SATB2: variants seen among roughly 807,000 people sequenced by gnomAD.
SATB2 encodes DNA-binding protein SATB2.
Under a neutral mutation model 73.4 loss-of-function variants are expected in SATB2, and 1 was observed. The observed-to-expected ratio is 0.01, with a 90% confidence interval of 0.00 to 0.06. The LOEUF is 0.06. SATB2 is among the 10% of genes least tolerant of loss of function. The pLI is 1.00. For synonymous variants in SATB2, 397 were observed against 367.0 expected (o/e 1.08, Z -0.93); for missense variants, 459 against 945.8 (o/e 0.49, Z 6.75).
chr2:199,322,942 A>C (rs544779296), intron 9 of SATB2, among the ~76,000 whole-genome samples: 2 of 152,260 alleles, frequency 1.3e-5, no homozygotes, highest in South Asian at 2.1e-4. Context: ...AATCAAGCTC[A>C]GAATCAAAGG....
At chr2:199,283,110 A>C (rs1049218030) in intron 10 of SATB2, among the ~76,000 whole-genome samples, 48 of 150,426 alleles carry the variant, frequency 3.2e-4, no homozygotes, top group Non-Finnish European at 3.3e-4. Context: ...TTGAGATGGA[A>C]TCTCACTCTG....
intron 3 of SATB2, among the ~76,000 whole-genome samples, chr2:199,406,379 AT>A (rs1690628848): frequency 6.6e-6 from 1 of 152,202 alleles, no homozygotes; most frequent in Admixed American, 6.5e-5. Flanking sequence ...AATCTATTAA[AT>A]TCCAAGCCCT....
At chr2:199,377,239 C>A (rs188352981) in intron 5 of SATB2, among the ~76,000 whole-genome samples, 2 of 152,082 alleles carry the variant, frequency 1.3e-5, no homozygotes, top group Admixed American at 1.3e-4. Context: ...AATACCCAGG[C>A]GTGGTGGCAC....
chr2:199,348,613 G>T, intron 7 of SATB2, 88 bp downstream of exon 7: 1 of 1,043,254 alleles, frequency 9.6e-7, no homozygotes, highest in Non-Finnish European at 1.5e-6. Flanking sequence ...GATCCATAAA[G>T]CTTTTTAAAG....
At chr2:199,431,766 T>C in intron 3 of SATB2, among the ~76,000 whole-genome samples, 1 of 152,176 alleles carries the variant, frequency 6.6e-6, no homozygotes, top group East Asian at 1.9e-4. Flanking sequence ...GTGCTCTGTG[T>C]TCCACATGTG....
At chr2:199,319,287 G>C (rs1687820447) in intron 9 of SATB2, among the ~76,000 whole-genome samples, 1 of 152,170 alleles carries the variant, frequency 6.6e-6, no homozygotes, top group African/African-American at 2.4e-5. Context: ...CAGTGGGCCT[G>C]CAAGGGCATA....
chr2:199,327,789 T>G (rs890396593), intron 8 of SATB2, among the ~76,000 whole-genome samples: 3 of 152,180 alleles, frequency 2.0e-5, no homozygotes, highest in Admixed American at 2.0e-4. Flanking sequence ...CATCCTAGGA[T>G]GGAAAATAAT....
chr2:199,467,782 C>G (rs917049089), upstream of SATB2, among the ~76,000 whole-genome samples: 8 of 152,194 alleles, frequency 5.3e-5, no homozygotes, highest in African/African-American at 1.7e-4. Context: ...CCACGTTGGC[C>G]TAGGACACAG....
At chr2:199,303,279 T>C (rs190653091) in intron 10 of SATB2, among the ~76,000 whole-genome samples, 60 of 152,206 alleles carry the variant, frequency 3.9e-4, no homozygotes, top group Middle Eastern at 6.8e-3. Context: ...TTGTTCACAA[T>C]AACTGAAGAA....
chr2:199,303,372 A>G, intron 10 of SATB2, among the ~76,000 whole-genome samples: 1 of 152,166 alleles, frequency 6.6e-6, no homozygotes, highest in East Asian at 1.9e-4. Flanking sequence ...GAAAAGGAGG[A>G]GGCAGGGGCG....
intron 7 of SATB2, among the ~76,000 whole-genome samples, chr2:199,341,997 C>G (rs1279227185): frequency 6.6e-6 from 1 of 152,184 alleles, no homozygotes. Flanking sequence ...GTCGCTACTA[C>G]AGGAGGCTGG....
At chr2:199,290,503 G>A (rs1364774482) in intron 10 of SATB2, among the ~76,000 whole-genome samples, 1 of 152,052 alleles carries the variant, frequency 6.6e-6, no homozygotes, top group Non-Finnish European at 1.5e-5. Flanking sequence ...AGTCCTAAGG[G>A]GAAATAAAGT....
intron 9 of SATB2, among the ~76,000 whole-genome samples, chr2:199,311,977 T>C (rs763769040): frequency 5.9e-5 from 9 of 151,948 alleles, no homozygotes; most frequent in Non-Finnish European, 1.0e-4. Flanking sequence ...AGGGTCCCCA[T>C]ATTGGGATTT....
At chr2:199,430,388 G>A (rs1691466975) in intron 3 of SATB2, among the ~76,000 whole-genome samples, 1 of 152,162 alleles carries the variant, frequency 6.6e-6, no homozygotes. Context: ...CAGCTATTCT[G>A]GTAGAAGCAA....
At chr2:199,431,993 A>C (rs1034806412) in intron 3 of SATB2, among the ~76,000 whole-genome samples, 54 of 152,220 alleles carry the variant, frequency 3.5e-4, no homozygotes, top group African/African-American at 1.3e-3. Flanking sequence ...GGTGCCCAGT[A>C]TGCAATTTGC....
intron 6 of SATB2, among the ~76,000 whole-genome samples, chr2:199,359,624 AT>A (rs1689081445): frequency 1.3e-5 from 2 of 152,188 alleles, no homozygotes; most frequent in African/African-American, 2.4e-5. Flanking sequence ...ATTCAATTAT[AT>A]TAATATTTAC....
intron 10 of SATB2, among the ~76,000 whole-genome samples, chr2:199,287,690 A>T (rs1036326048): frequency 2.0e-5 from 3 of 152,164 alleles, no homozygotes; most frequent in African/African-American, 7.2e-5. Flanking sequence ...CACATAGATT[A>T]TTTAATATGA....
chr2:199,343,267 A>G (rs1432566270), intron 7 of SATB2, among the ~76,000 whole-genome samples: 1 of 152,174 alleles, frequency 6.6e-6, no homozygotes, highest in Non-Finnish European at 1.5e-5. Context: ...CACAAAATAT[A>G]AGGTGACAAA....
At chr2:199,322,288 C>A (rs1353722864) in intron 9 of SATB2, among the ~76,000 whole-genome samples, 1 of 152,204 alleles carries the variant, frequency 6.6e-6, no homozygotes, top group Non-Finnish European at 1.5e-5. Context: ...ATACTCACTG[C>A]ACATTTACCA....
Sources: allele counts gnomAD v4.1 joint callset (sites outside exome capture counted in the v4.1 genomes callset), GRCh38; gene constraint gnomAD v4.1.1; transcripts MANE v1.5; gene names NCBI Gene and HGNC (gene_info 2026-07-23, HGNC 2026-07-21).